HAPSTR1: variants seen among roughly 807,000 people sequenced by gnomAD.
The protein encoded by HAPSTR1 is HUWE1-associated protein modifying stress responses 1.
chr16:9,104,651 A>C, the HAPSTR1 span: 1 of 152,232 alleles, frequency 6.6e-6, no homozygotes, highest in Non-Finnish European at 1.5e-5. Flanking sequence ...AATTGCAGGA[A>C]AGTTCAGGTT....
chr16:9,092,477 G>T, the HAPSTR1 span, among the ~76,000 whole-genome samples: 3 of 152,136 alleles, frequency 2.0e-5, no homozygotes, highest in African/African-American at 4.8e-5. Flanking sequence ...GGCCAGAGCC[G>T]GCGTGGGGGT....
chr16:9,120,225 C>T, the HAPSTR1 span: 1 of 152,206 alleles, frequency 6.6e-6, no homozygotes, highest in Non-Finnish European at 1.5e-5. Context: ...TCTTCCAGAG[C>T]AACCCCTTGT....
At chr16:9,116,995 G>A in the HAPSTR1 span, 1 of 1,552,432 alleles carries the variant, frequency 6.4e-7, no homozygotes, top group East Asian at 2.3e-5. Context: ...GGAAACATGA[G>A]GCCATCTTCC....
chr16:9,110,050 T>A, the HAPSTR1 span: 1 of 152,194 alleles, frequency 6.6e-6, no homozygotes, highest in East Asian at 1.9e-4. Flanking sequence ...AAGCAATTTC[T>A]GGCCTAATAG....
chr16:9,108,623 T>G, the HAPSTR1 span: 1 of 152,218 alleles, frequency 6.6e-6, no homozygotes, highest in East Asian at 1.9e-4. Context: ...TCAAAATTAA[T>G]CAGAAACGAT....
At chr16:9,092,276 G>T in the HAPSTR1 span, 92 of 1,526,764 alleles carry the variant, frequency 6.0e-5, no homozygotes, top group Non-Finnish European at 8.1e-5. Flanking sequence ...CAAAGGTGAG[G>T]CCGCCGCCGC....
At chr16:9,101,646 T>C in the HAPSTR1 span, among the ~76,000 whole-genome samples, 3 of 152,200 alleles carry the variant, frequency 2.0e-5, no homozygotes, top group Non-Finnish European at 1.5e-5. Context: ...TGCTTAAGAG[T>C]AGGCCTTATT....
chr16:9,111,807 G>A, the HAPSTR1 span: 2 of 152,000 alleles, frequency 1.3e-5, no homozygotes, highest in Non-Finnish European at 1.5e-5. Flanking sequence ...AGTATATAGA[G>A]ATTAACTTCA....
the HAPSTR1 span, chr16:9,121,595 A>G: frequency 6.6e-6 from 1 of 152,222 alleles, no homozygotes; most frequent in East Asian, 1.9e-4. Context: ...TCATCTGTGA[A>G]ATAAATAGAA....
At chr16:9,115,306 A>G in the HAPSTR1 span, among the ~76,000 whole-genome samples, 18 of 152,256 alleles carry the variant, frequency 1.2e-4, no homozygotes, top group Non-Finnish European at 2.5e-4. Flanking sequence ...CCCCTGTCAA[A>G]TGAAACCTCT....
At chr16:9,092,885 CTTTTTGGTTTTTTT>C in the HAPSTR1 span, 3 of 1,512,918 alleles carry the variant, frequency 2.0e-6, no homozygotes, top group Admixed American at 2.0e-5. Context: ...TTTCTTTTTT[CTTTTTGGTTTTTTT>C]TTTTTTTGGC....
chr16:9,100,431 T>TA, the HAPSTR1 span, among the ~76,000 whole-genome samples: 1 of 151,962 alleles, frequency 6.6e-6, no homozygotes, highest in Non-Finnish European at 1.5e-5. Flanking sequence ...TTTTTTTTTT[T>TA]AAACACCTCA....
the HAPSTR1 span, chr16:9,116,521 G>T: frequency 5.8e-6 from 6 of 1,033,012 alleles, no homozygotes; most frequent in South Asian, 1.6e-5. Flanking sequence ...TGTTTATCCA[G>T]AATAAAACTT....
chr16:9,092,580 C>T, the HAPSTR1 span, among the ~76,000 whole-genome samples: 4 of 152,122 alleles, frequency 2.6e-5, no homozygotes, highest in African/African-American at 9.7e-5. Flanking sequence ...GAGGAGCCCC[C>T]GTCACAAAAT....
the HAPSTR1 span, chr16:9,093,063 C>T: frequency 2.0e-6 from 3 of 1,477,664 alleles, no homozygotes; most frequent in Non-Finnish European, 2.8e-6. Flanking sequence ...GGGTGTCTGC[C>T]CTGCGTTCCA....
chr16:9,119,101 C>T, the HAPSTR1 span: 1 of 152,592 alleles, frequency 6.6e-6, no homozygotes, highest in Non-Finnish European at 1.5e-5. Context: ...TTTTCCATTG[C>T]GTTTACTTTC....
chr16:9,107,154 C>T, the HAPSTR1 span: 2 of 152,222 alleles, frequency 1.3e-5, no homozygotes, highest in Admixed American at 1.3e-4. Flanking sequence ...AATTGTCCCA[C>T]AGGCATTTAT....
At chr16:9,116,897 C>T in the HAPSTR1 span, 4 of 1,613,916 alleles carry the variant, frequency 2.5e-6, no homozygotes, top group Non-Finnish European at 3.4e-6. Context: ...CCCATAAACG[C>T]AACAGAATGA....
At chr16:9,116,878 A>C in the HAPSTR1 span, 1 of 1,614,120 alleles carries the variant, frequency 6.2e-7, no homozygotes, top group East Asian at 2.2e-5. Context: ...GTCATTACAG[A>C]CTCACCAACC....
Sources: allele counts gnomAD v4.1 joint callset (sites outside exome capture counted in the v4.1 genomes callset), GRCh38; gene constraint gnomAD v4.1.1; transcripts MANE v1.5; gene names NCBI Gene and HGNC (gene_info 2026-07-23, HGNC 2026-07-21).